SORBS3: variants seen among roughly 807,000 people sequenced by gnomAD.
SORBS3 encodes the protein vinexin.
A neutral mutation model predicts 98.0 loss-of-function variants in SORBS3; 69 were observed. That is an observed-to-expected ratio of 0.70 (90% confidence interval 0.58 to 0.86). The LOEUF is 0.86. Among genes scored for constraint, SORBS3 ranks in the 40% least tolerant of loss-of-function variants. The pLI is 0.00. For synonymous variants in SORBS3, 394 were observed against 355.4 expected (o/e 1.11, Z -1.22); for missense variants, 954 against 908.5 (o/e 1.05, Z -0.64).
At chr8:22,549,016 G>A (rs184734422), upstream of SORBS3, among the ~76,000 whole-genome samples, 24 of 152,368 alleles carry the variant, frequency 1.6e-4, no homozygotes, top group African/African-American at 5.5e-4. Context: ...TGTTGACGGT[G>A]ATGTTGGGGA....
At chr8:22,561,791 C>G in intron 6 of SORBS3, 74 bp from the exon 7 acceptor site, 1 of 1,338,332 alleles carries the variant, frequency 7.5e-7, no homozygotes, top group Non-Finnish European at 1.1e-6. Flanking sequence ...AAATAATCAC[C>G]CAGGCACCCT....
chr8:22,558,258 C>T, intron 5 of SORBS3, 66 bp downstream of exon 5: 4 of 1,493,702 alleles, frequency 2.7e-6, no homozygotes, highest in Non-Finnish European at 3.7e-6. Context: ...CTTGGAGAGA[C>T]AGGGAAAGAA....
At chr8:22,553,402 A>G (rs772039230) in intron 1 of SORBS3, among the ~76,000 whole-genome samples, 1 of 152,204 alleles carries the variant, frequency 6.6e-6, no homozygotes, top group African/African-American at 2.4e-5. Context: ...TTTCTGGTCC[A>G]GTCCAGCAGC....
intron 4 of SORBS3, among the ~76,000 whole-genome samples, chr8:22,557,660 A>G (rs1045453960): frequency 2.0e-5 from 3 of 152,102 alleles, no homozygotes; most frequent in African/African-American, 7.2e-5. Context: ...AAAATAAAAT[A>G]AAATTAGCTA....
chr8:22,564,835 G>T, intron 10 of SORBS3: 2 of 1,237,174 alleles, frequency 1.6e-6, no homozygotes, highest in Non-Finnish European at 2.0e-6. Flanking sequence ...CTGATTCGGC[G>T]AAGACCCATA....
chr8:22,565,124 T>C (rs1840377716), intron 10 of SORBS3, 144 bp from the exon 11 acceptor site: 2 of 1,466,946 alleles, frequency 1.4e-6, no homozygotes, highest in East Asian at 2.6e-5. Flanking sequence ...CCACACCTCC[T>C]GGCAGGAGCC....
Position 22,575,021 on chromosome 8 carries a change from A to T in SORBS3, c.*293A>T, listed in dbSNP as rs1371398895. The T allele has an allele frequency of 1.7e-6, 1 of 573,278 alleles. No individual in the cohort carries two copies. Among genetic ancestry groups the T allele is most frequent in the Non-Finnish European group, 3.3e-6 (1 of 302,762 alleles). 35.5% of individuals were successfully genotyped at this position (573,278 alleles called of 1,614,324 possible). ...CATTTCCAGGCCTTATTGAGACCAG[A>T]CCCCAAGTCCCCCACCCCCATCCTG... On this transcript the variant is annotated 3_prime_UTR_variant, in exon 21 of 21. Transcript: ENST00000240123.
In SORBS3 at chr8:22,553,856, G is replaced by T. The variant is rs146849703; in HGVS notation, c.-55-596G>T. 8.0e-3 allele frequency among the ~76,000 whole-genome samples: 1,219 copies of T among 152,186 alleles called. 19 individuals are homozygous for T. Among genetic ancestry groups the T allele is most frequent in the African/African-American group, 0.028 (1,162 of 41,518 alleles). ...TGTGAAGGAGGCCAAAGAAGGGCCC[G>T]ATGCTCCCTGTGAGCTCGCAAGAGT... is the stretch of plus-strand genomic sequence containing the variant. On this transcript the variant is annotated intron_variant, in intron 1 of 20. Coordinates refer to ENST00000240123, the MANE Select transcript of SORBS3 (RefSeq NM_005775.5).
At chr8:22,560,553 C>G (rs887962356) in intron 5 of SORBS3, among the ~76,000 whole-genome samples, 9 of 152,148 alleles carry the variant, frequency 5.9e-5, no homozygotes, top group Non-Finnish European at 8.8e-5. Context: ...ACAAATGCAG[C>G]TGATGGGTTG....
At chr8:22,571,888 C>T in intron 19 of SORBS3, 67 bp downstream of exon 19, 1 of 1,127,516 alleles carries the variant, frequency 8.9e-7, no homozygotes, top group South Asian at 1.2e-5. Context: ...GCCCCATATT[C>T]CACCCTCCCC....
At chr8:22,545,112 T>C (rs1840003712) in exon 1 of SORBS3, 1 of 152,246 alleles carries the variant, frequency 6.6e-6, no homozygotes, top group South Asian at 2.1e-4. Context: ...CCACATCTTT[T>C]CTGAGACCTG....
At chr8:22,564,108 C>T (rs1474632248) in intron 8 of SORBS3, 31 bp downstream of exon 8, 1 of 1,600,428 alleles carries the variant, frequency 6.2e-7, no homozygotes, top group Non-Finnish European at 8.6e-7. Flanking sequence ...CCTGGTCAGC[C>T]CCAGCTGTAT....
rs1344260769 is a variant in SORBS3, at chr8:22,554,253, GCC to G, written c.-55-196_-55-195del. The G allele has an allele frequency of 7.3e-6, 3 of 412,288 alleles. No individual in the cohort carries two copies. The highest frequency in any genetic ancestry group is 9.5e-5 in the East Asian group (2 of 21,096). 25.5% of individuals were successfully genotyped at this position (412,288 alleles called of 1,614,324 possible). A position where few individuals can be genotyped will look rare whatever the true frequency, so the allele number is the denominator to read the frequency against. On this transcript the variant is annotated intron_variant, in intron 1 of 20. Coordinates refer to ENST00000240123, the MANE Select transcript of SORBS3 (RefSeq NM_005775.5). The surrounding 1 kb of genome is among the most constrained non-coding windows in gnomAD (Gnocchi z 6.5). Reference sequence around the variant, plus strand: ...CTGGGCCTAACAAGTGGTCCATTGTGCCCCTGGGAGCCGGCAGGCACGGGCAG... The same window carrying G: ...CTGGGCCTAACAAGTGGTCCATTGTGCCTGGGAGCCGGCAGGCACGGGCAG...
intron 20 of SORBS3, among the ~76,000 whole-genome samples, chr8:22,574,019 G>A (rs1840659482): frequency 6.6e-6 from 1 of 152,158 alleles, no homozygotes. Context: ...CCCGGCCTGG[G>A]TCCCCAGTGA....
At chr8:22,563,878 C>T in intron 7 of SORBS3, 109 bp from the exon 8 acceptor site, 1 of 796,302 alleles carries the variant, frequency 1.3e-6, no homozygotes, top group Non-Finnish European at 2.1e-6. Context: ...CAGTCAGAGG[C>T]AGAGTAGACC....
intron 16 of SORBS3, 33 bp downstream of exon 16, chr8:22,567,208 G>A: frequency 6.8e-7 from 1 of 1,470,070 alleles, no homozygotes; most frequent in African/African-American, 1.4e-5. Context: ...AGTGGGGCTG[G>A]GCTGGGAGGG....
chr8:22,553,956 T>C (rs1335054127), intron 1 of SORBS3, among the ~76,000 whole-genome samples: 1 of 152,232 alleles, frequency 6.6e-6, no homozygotes. Flanking sequence ...GACTGCTTCC[T>C]GGAGGGCAGT....
intron 5 of SORBS3, among the ~76,000 whole-genome samples, chr8:22,560,536 A>G (rs1840270823): frequency 6.6e-6 from 1 of 152,208 alleles, no homozygotes; most frequent in Non-Finnish European, 1.5e-5. Flanking sequence ...AAATGTGACC[A>G]GTGGTGACAA....
In SORBS3 at chr8:22,565,872, G is replaced by T; in HGVS notation, c.950G>T (p.Gly317Val). ...GCCCCGGAGCAGCGGCCCCCGGCCGGGTGAGTGGGAGACGCGGGAGGAGGA... is the reference window on the plus strand; with the variant it reads ...GCCCCGGAGCAGCGGCCCCCGGCCGTGTGAGTGGGAGACGCGGGAGGAGGA... ...RRAPEQRPPA[G>V]PASAWSSSYP... The change falls in exon 12 of 21, where the codon GGC (glycine) becomes GTC (valine). Residue 317 changes from glycine (G) to valine (V), a missense_variant and splice_region_variant. Gly to Val is a moderately radical substitution (Grantham distance 109). Coordinates refer to ENST00000240123, the MANE Select transcript of SORBS3 (RefSeq NM_005775.5). The T allele has an allele frequency of 7.9e-7, 1 of 1,262,220 alleles. No individual in the cohort carries two copies. The highest frequency in any genetic ancestry group is 1.0e-6 in the Non-Finnish European group (1 of 1,004,580). The allele number at this position is 1,262,220 out of a possible 1,614,324, so 78.2% of individuals were successfully genotyped here.
Sources: allele counts gnomAD v4.1 joint callset (sites outside exome capture counted in the v4.1 genomes callset), GRCh38; gene constraint gnomAD v4.1.1; non-coding constraint Gnocchi (gnomAD v3.1); transcripts MANE v1.5; gene names NCBI Gene and HGNC (gene_info 2026-07-23, HGNC 2026-07-21).